The following ATL1 variants were observed in gnomAD, a reference collection of about 807,000 sequenced individuals.
ATL1 encodes atlastin GTPase 1, also known as atlastin-1.
ATL1 carries 31 observed loss-of-function variants against 75.5 expected under a neutral mutation model. The ratio of observed to expected loss-of-function variants is 0.41; its 90% confidence interval spans 0.31 to 0.55. The LOEUF is 0.55. ATL1 is among the 20% of genes least tolerant of loss of function. The pLI is 0.27. For missense variants in ATL1, 405 were observed against 662.6 expected (o/e 0.61, Z 4.27); for synonymous variants, 226 against 233.3 (o/e 0.97, Z 0.28).
chr14:50,552,292 C>T (rs981372525), intron 1 of ATL1, among the ~76,000 whole-genome samples: 1 of 152,086 alleles, frequency 6.6e-6, no homozygotes, highest in Non-Finnish European at 1.5e-5. Flanking sequence ...AAATAAAATA[C>T]TTAGGAATAT....
intron 1 of ATL1, among the ~76,000 whole-genome samples, chr14:50,571,506 A>T (rs1356660936): frequency 6.6e-6 from 1 of 152,190 alleles, no homozygotes; most frequent in African/African-American, 2.4e-5. Flanking sequence ...TTTCTCCTTT[A>T]TTCATAATTA....
At chr14:50,541,398 C>A (rs1392346532) in intron 1 of ATL1, among the ~76,000 whole-genome samples, 1 of 152,172 alleles carries the variant, frequency 6.6e-6, no homozygotes, top group Non-Finnish European at 1.5e-5. Flanking sequence ...AGTTCAGGAA[C>A]CTGACACATT....
intron 4 of ATL1, among the ~76,000 whole-genome samples, chr14:50,593,109 GC>G (rs1459000669): frequency 4.6e-5 from 7 of 151,516 alleles, no homozygotes; most frequent in African/African-American, 1.7e-4. Flanking sequence ...ACTTATACAA[GC>G]CTATTTAAAC....
rs112194265 is a variant in ATL1, at chr14:50,588,130, T to C, written c.282+52T>C. The C allele has an allele frequency of 3.9e-5, 62 of 1,609,498 alleles. 1 individual carries two copies. The African/African-American group carries it at 5.2e-4, about 14-fold the overall frequency. Reference sequence around the variant, plus strand: ...TTCTTTCTTCTGTGCTTCTGTCACTTCATGTTTTTATTTCATGGTGTTCAA... The same window carrying C: ...TTCTTTCTTCTGTGCTTCTGTCACTCCATGTTTTTATTTCATGGTGTTCAA... On this transcript the variant is annotated intron_variant, in intron 2 of 13. Coordinates refer to ENST00000358385, the MANE Select transcript of ATL1 (RefSeq NM_015915.5).
chr14:50,555,323 C>T (rs1030252977), upstream of ATL1, among the ~76,000 whole-genome samples: 1 of 152,160 alleles, frequency 6.6e-6, no homozygotes, highest in African/African-American at 2.4e-5. Flanking sequence ...GCTCTGTCAC[C>T]CAGGCTGGAG....
intron 6 of ATL1, among the ~76,000 whole-genome samples, chr14:50,611,563 A>G (rs1001546234): frequency 4.6e-5 from 7 of 152,240 alleles, no homozygotes; most frequent in Non-Finnish European, 7.4e-5. Flanking sequence ...AAGGTGAAAC[A>G]TATATTTAAA....
At chr14:50,555,680 G>A (rs978064610), upstream of ATL1, among the ~76,000 whole-genome samples, 2 of 152,114 alleles carry the variant, frequency 1.3e-5, no homozygotes, top group African/African-American at 2.4e-5. Flanking sequence ...TATTTCAGCC[G>A]TTGTAATTTT....
rs768342546 is a variant in ATL1 at position 50,587,996 on chromosome 14, T to C, written c.200T>C (p.Val67Ala). The change falls in exon 2 of 14, where the codon GTT (valine) becomes GCT (alanine). Residue 67 changes from valine (V) to alanine (A), a missense_variant. Coordinates refer to ENST00000358385, the MANE Select transcript of ATL1 (RefSeq NM_015915.5). The part of the protein sequence containing the change: ...LLSEAVRDKE[V>A]VAVSVAGAFR... ...TCGGAGGCTGTCAGAGACAAGGAGG[T>C]TGTTGCTGTATCTGTTGCTGGAGCA... 22 of 1,613,962 alleles carry C rather than the reference T, an allele frequency of 1.4e-5. No individual in the cohort carries two copies. The East Asian group carries it at 4.7e-4, about 34-fold the overall frequency.
chr14:50,593,235 G>A (rs370296424), intron 4 of ATL1, among the ~76,000 whole-genome samples: 2 of 151,842 alleles, frequency 1.3e-5, no homozygotes, highest in East Asian at 3.9e-4. Context: ...TTAATTATGT[G>A]AGAAATGATG....
rs936458082 is a variant in ATL1 at position 50,595,434 on chromosome 14, T to A, written c.574-142T>A. On this transcript the variant is annotated intron_variant, in intron 5 of 13. Coordinates refer to ENST00000358385, the MANE Select transcript of ATL1 (RefSeq NM_015915.5). Reference sequence around the variant, plus strand: ...TATTTCCTAAAAATGATTATTAGAATCTTCTTAATGTAATATTCTGTTATA... The same window carrying A: ...TATTTCCTAAAAATGATTATTAGAAACTTCTTAATGTAATATTCTGTTATA... The A allele has an allele frequency of 4.5e-6, 3 of 667,536 alleles. No homozygotes were observed. The African/African-American group carries it at 5.5e-5, about 12-fold the overall frequency. The allele number at this position is 667,536 out of a possible 1,614,324, so 41.4% of individuals were successfully genotyped here. A position where few individuals can be genotyped will look rare whatever the true frequency, so the allele number is the denominator to read the frequency against.
intron 3 of ATL1, 99 bp from the exon 4 acceptor site, chr14:50,591,436 T>A: frequency 1.3e-6 from 1 of 795,538 alleles, no homozygotes; most frequent in Middle Eastern, 2.3e-4. Context: ...ATAGTATTGA[T>A]TAATAATGGT....
intron 1 of ATL1, among the ~76,000 whole-genome samples, chr14:50,542,939 G>A (rs79764313): frequency 6.6e-6 from 1 of 152,148 alleles, no homozygotes; most frequent in Non-Finnish European, 1.5e-5. Context: ...CTAATAGGTT[G>A]GTCAATTACT....
chr14:50,539,145 T>C (rs2038530497), intron 1 of ATL1, among the ~76,000 whole-genome samples: 1 of 152,214 alleles, frequency 6.6e-6, no homozygotes, highest in Non-Finnish European at 1.5e-5. Flanking sequence ...TGATTACTTG[T>C]ATAAACTACT....
intron 6 of ATL1, 65 bp downstream of exon 6, chr14:50,595,697 T>G (rs183604332): frequency 6.8e-5 from 95 of 1,400,816 alleles, no homozygotes; most frequent in Non-Finnish European, 1.5e-5. Context: ...ACCAGGTATA[T>G]TAATTAGGGT....
chr14:50,535,522 T>G (rs922883468), intron 1 of ATL1, among the ~76,000 whole-genome samples: 3 of 152,244 alleles, frequency 2.0e-5, no homozygotes, highest in African/African-American at 7.2e-5. Flanking sequence ...AGAAATCAAT[T>G]AAATGTTGGA....
intron 7 of ATL1, 99 bp from the exon 8 acceptor site, chr14:50,614,274 T>G (rs111677408): frequency 3.0e-6 from 4 of 1,340,686 alleles, no homozygotes; most frequent in Non-Finnish European, 4.3e-6. Context: ...ATTTTCATCA[T>G]TGTGGGACCA....
At chr14:50,602,764 GC>G (rs1247104921) in intron 6 of ATL1, among the ~76,000 whole-genome samples, 1 of 152,084 alleles carries the variant, frequency 6.6e-6, no homozygotes, top group Non-Finnish European at 1.5e-5. Flanking sequence ...GGGAATTTTA[GC>G]AGGATTTAGG....
At chr14:50,589,788 T>C (rs1054464830) in intron 2 of ATL1, among the ~76,000 whole-genome samples, 4 of 152,160 alleles carry the variant, frequency 2.6e-5, no homozygotes, top group Non-Finnish European at 5.9e-5. Flanking sequence ...TAGAACAAGA[T>C]AGGATATAAT....
chr14:50,548,079 C>G (rs76989639), intron 1 of ATL1, among the ~76,000 whole-genome samples: 2,155 of 152,164 alleles, frequency 0.014, 42 homozygotes, highest in African/African-American at 0.049. Flanking sequence ...GGATGGGAAG[C>G]CAACCCCAAA....
Sources: allele counts gnomAD v4.1 joint callset (sites outside exome capture counted in the v4.1 genomes callset), GRCh38; gene constraint gnomAD v4.1.1; transcripts MANE v1.5; gene names NCBI Gene and HGNC (gene_info 2026-07-23, HGNC 2026-07-21).